The following AFF3 variants were observed in gnomAD, a reference collection of about 807,000 sequenced individuals.
The protein encoded by AFF3 is AF4/FMR2 family member 3.
In AFF3, 32 loss-of-function variants were observed where a neutral mutation model predicts 129.7. The observed-to-expected ratio is 0.25, with a 90% CI of 0.19 to 0.33. AFF3 has a LOEUF of 0.33. Ranked by LOEUF, AFF3 falls within the 10% of genes least tolerant of loss-of-function variation. The pLI, the probability that AFF3 is intolerant of heterozygous loss-of-function variation, is 1.00. For missense variants in AFF3, 1,373 were observed against 1,592.0 expected (o/e 0.86, Z 2.34); for synonymous variants, 644 against 635.4 (o/e 1.01, Z -0.20).
At chr2:100,113,910 TG>T (rs1691624393) in intron 2 of AFF3, among the ~76,000 whole-genome samples, 1 of 149,176 alleles carries the variant, frequency 6.7e-6, no homozygotes, top group Admixed American at 6.7e-5. Context: ...GTAGGTCAAA[TG>T]GGGGTTAGGG....
chr2:100,057,767 AG>A (rs1448277836), intron 4 of AFF3, among the ~76,000 whole-genome samples: 7 of 152,224 alleles, frequency 4.6e-5, no homozygotes, highest in Non-Finnish European at 1.0e-4. Context: ...GAATACTCCA[AG>A]GAAGTTTCTT....
chr2:100,049,772 TTGGGAAAATATAAATAATCCAA>T (rs1559086887), intron 4 of AFF3, among the ~76,000 whole-genome samples: 1 of 152,168 alleles, frequency 6.6e-6, no homozygotes, highest in African/African-American at 2.4e-5. Flanking sequence ...AAAATCACAG[TTGGGAAAATATAAATAATCCAA>T]TGGGCAGAGT....
chr2:99,913,622 C>T (rs1695255593), intron 7 of AFF3, among the ~76,000 whole-genome samples: 1 of 152,166 alleles, frequency 6.6e-6, no homozygotes, highest in Non-Finnish European at 1.5e-5. Flanking sequence ...ATCTTGGTTT[C>T]TAAATACCAT....
intron 4 of AFF3, among the ~76,000 whole-genome samples, chr2:100,052,230 T>C (rs1035479806): frequency 6.6e-6 from 1 of 152,234 alleles, no homozygotes. Flanking sequence ...CAATTCATTT[T>C]AAAATTGCAG....
chr2:99,645,330 A>AAAAC (rs1372840361), intron 13 of AFF3, among the ~76,000 whole-genome samples: 2 of 152,192 alleles, frequency 1.3e-5, no homozygotes, highest in South Asian at 2.1e-4. Context: ...CCTGTCTCAA[A>AAAAC]AAACAAACAA....
At chr2:99,742,046 G>A (rs1309080751) in intron 10 of AFF3, among the ~76,000 whole-genome samples, 2 of 152,068 alleles carry the variant, frequency 1.3e-5, no homozygotes, top group Non-Finnish European at 2.9e-5. Context: ...TGGGGTTTTG[G>A]AGAAAGATTT....
At chr2:99,740,032 A>G (rs1680585156) in intron 10 of AFF3, among the ~76,000 whole-genome samples, 1 of 139,124 alleles carries the variant, frequency 7.2e-6, no homozygotes, top group East Asian at 2.1e-4. Context: ...CTCATTGTTC[A>G]ATTCCCATCT....
chr2:100,022,981 CAATT>C (rs1273663916), intron 4 of AFF3, among the ~76,000 whole-genome samples: 2 of 152,218 alleles, frequency 1.3e-5, no homozygotes, highest in Non-Finnish European at 2.9e-5. Flanking sequence ...AACTCAACAT[CAATT>C]AGTCCTCTGC....
intron 4 of AFF3, among the ~76,000 whole-genome samples, chr2:100,067,549 T>C (rs1437779012): frequency 6.6e-6 from 1 of 152,234 alleles, no homozygotes; most frequent in Non-Finnish European, 1.5e-5. Context: ...ACAAAAATTT[T>C]AGCTAAAAGC....
intron 7 of AFF3, among the ~76,000 whole-genome samples, chr2:99,985,216 G>A (rs1183616522): frequency 6.6e-6 from 1 of 152,116 alleles, no homozygotes; most frequent in Non-Finnish European, 1.5e-5. Flanking sequence ...TAAAGTATAA[G>A]GCAATGTCCA....
At chr2:99,899,750 A>G (rs961102554) in intron 7 of AFF3, among the ~76,000 whole-genome samples, 3 of 152,234 alleles carry the variant, frequency 2.0e-5, no homozygotes, top group Non-Finnish European at 4.4e-5. Context: ...AGTCTGAGCC[A>G]CATGGCCAAG....
chr2:99,593,723 G>T lies in AFF3; in HGVS notation c.1938C>A (p.Thr646=). The T allele has an allele frequency of 6.2e-7, 1 of 1,612,202 alleles. No individual in the cohort carries two copies. The highest frequency in any genetic ancestry group is 8.5e-7 in the Non-Finnish European group (1 of 1,179,318). ...SHRKELRSSV[T]CEKRRTRGLS... ...GCCCCCGCGTGCGGCGCTTCTCGCA[G>T]GTCACGGAGGAGCGCAGCTCCTTGC... is the stretch of plus-strand genomic sequence containing the variant. Residue 646 remains threonine (T), a synonymous_variant, in exon 15 of 25, where the codon ACC becomes ACA. Coordinates refer to ENST00000672756, the MANE Select transcript of AFF3 (RefSeq NM_001386135.1).
At chr2:100,052,871 G>A (rs879891618) in intron 4 of AFF3, among the ~76,000 whole-genome samples, 54 of 152,246 alleles carry the variant, frequency 3.5e-4, no homozygotes, top group East Asian at 1.9e-4. Flanking sequence ...TTGAGCATGC[G>A]CACCTGCAAC....
intron 4 of AFF3, among the ~76,000 whole-genome samples, chr2:100,099,329 C>T (rs1312651355): frequency 1.3e-5 from 2 of 152,188 alleles, no homozygotes; most frequent in East Asian, 3.9e-4. Context: ...CTAAAAAGGC[C>T]TGGAGGAAGC....
chr2:99,684,507 G>A (rs1375550220), intron 11 of AFF3, among the ~76,000 whole-genome samples: 1 of 152,114 alleles, frequency 6.6e-6, no homozygotes, highest in East Asian at 1.9e-4. Context: ...AACGTGAAGA[G>A]GAGAAAAAGA....
rs1691062419 is a variant in AFF3, at chr2:100,104,521, G to T, written c.-64-3C>A. On this transcript the variant is annotated splice_polypyrimidine_tract_variant and splice_region_variant and intron_variant, in intron 3 of 24. Coordinates refer to ENST00000672756, the MANE Select transcript of AFF3 (RefSeq NM_001386135.1). Reference sequence around the variant, plus strand: ...CCGAGGCTCGGGCCGCCCGCGCGCTGCAACGAAAGGCGCCGCTCAAGGTGC... The same window carrying T: ...CCGAGGCTCGGGCCGCCCGCGCGCTTCAACGAAAGGCGCCGCTCAAGGTGC... The T allele has an allele frequency of 8.0e-7, 1 of 1,250,790 alleles. No homozygotes were observed. The highest frequency in any genetic ancestry group is 1.0e-6 in the Non-Finnish European group (1 of 973,026). 77.5% of individuals were successfully genotyped at this position (1,250,790 alleles called of 1,614,324 possible).
intron 11 of AFF3, among the ~76,000 whole-genome samples, chr2:99,673,632 C>A (rs996450114): frequency 1.3e-4 from 20 of 152,210 alleles, no homozygotes; most frequent in African/African-American, 4.1e-4. Flanking sequence ...GGGCTCCATA[C>A]ATCAGTGTGA....
chr2:99,867,003 A>AATAATAATAAT (rs1558928973), intron 7 of AFF3, among the ~76,000 whole-genome samples: 10 of 99,118 alleles, frequency 1.0e-4, no homozygotes, highest in East Asian at 3.9e-4. Flanking sequence ...ATAATAATAA[A>AATAATAATAAT]AAATAAATAA....
chr2:100,081,155 C>T (rs1573369080), intron 4 of AFF3, among the ~76,000 whole-genome samples: 1 of 152,228 alleles, frequency 6.6e-6, no homozygotes, highest in Middle Eastern at 3.4e-3. Flanking sequence ...TCACTGGGTA[C>T]AATGTCTGTC....
Sources: allele counts gnomAD v4.1 joint callset (sites outside exome capture counted in the v4.1 genomes callset), GRCh38; gene constraint gnomAD v4.1.1; transcripts MANE v1.5; gene names NCBI Gene and HGNC (gene_info 2026-07-23, HGNC 2026-07-21).